The following TET2 variants were observed in gnomAD, a reference collection of about 807,000 sequenced individuals.
The protein encoded by TET2 is tet methylcytosine dioxygenase 2.
TET2 carries 299 observed loss-of-function variants against 142.9 expected under a neutral mutation model. That is an observed-to-expected ratio of 2.09 (90% CI 1.90 to 2.30). TET2 has a LOEUF of 2.30. Ranked by LOEUF, TET2 falls within the 30% of genes most tolerant of loss-of-function variation. TET2 has a pLI of 0.00. For missense variants in TET2, 2,418 were observed against 2,378.0 expected (o/e 1.02, Z -0.35); for synonymous variants, 819 against 849.0 (o/e 0.96, Z 0.61).
chr4:105,198,180 T>C (rs1486374756), intron 2 of TET2, among the ~76,000 whole-genome samples: 1 of 151,952 alleles, frequency 6.6e-6, no homozygotes, highest in African/African-American at 2.4e-5. Flanking sequence ...CTACTAAAAA[T>C]GCAAAATTAG....
intron 6 of TET2, among the ~76,000 whole-genome samples, chr4:105,244,371 A>G (rs974233897): frequency 3.3e-5 from 5 of 152,184 alleles, no homozygotes; most frequent in African/African-American, 1.2e-4. Flanking sequence ...ATTATTTTCC[A>G]GGAATATAAG....
At chr4:105,178,991 G>C (rs750443836) in intron 1 of TET2, among the ~76,000 whole-genome samples, 31 of 152,060 alleles carry the variant, frequency 2.0e-4, no homozygotes, top group Non-Finnish European at 4.0e-4. Context: ...CAAAGTGGCA[G>C]GAAGGAGAAA....
At chr4:105,193,315 A>G (rs1173700304) in intron 2 of TET2, among the ~76,000 whole-genome samples, 7 of 152,190 alleles carry the variant, frequency 4.6e-5, no homozygotes, top group Admixed American at 4.6e-4. Flanking sequence ...GAAGCAGGAA[A>G]AAGGCGACCT....
At chr4:105,157,955 G>C (rs560331855) in intron 1 of TET2, among the ~76,000 whole-genome samples, 1 of 152,248 alleles carries the variant, frequency 6.6e-6, no homozygotes, top group East Asian at 1.9e-4. Flanking sequence ...GGGATTACAG[G>C]CATGAGCCAT....
At chr4:105,199,615 T>A (rs949863199) in intron 2 of TET2, among the ~76,000 whole-genome samples, 1 of 152,200 alleles carries the variant, frequency 6.6e-6, no homozygotes, top group Non-Finnish European at 1.5e-5. Context: ...CATGGGAGTT[T>A]GTTGTACAGG....
chr4:105,218,807 A>C (rs1440206269), intron 2 of TET2, among the ~76,000 whole-genome samples: 1 of 152,028 alleles, frequency 6.6e-6, no homozygotes, highest in African/African-American at 2.4e-5. Context: ...TCTGGATCCC[A>C]TAAATTATGT....
chr4:105,187,299 G>A (rs1053386780), intron 1 of TET2, among the ~76,000 whole-genome samples: 1 of 152,148 alleles, frequency 6.6e-6, no homozygotes, highest in South Asian at 2.1e-4. Flanking sequence ...AAACTCCTCT[G>A]CCTTCCTCAG....
At chr4:105,253,740 A>G (rs1729985507) in intron 6 of TET2, among the ~76,000 whole-genome samples, 1 of 152,168 alleles carries the variant, frequency 6.6e-6, no homozygotes, top group Admixed American at 6.5e-5. Context: ...GAAATCTTCA[A>G]TTTTATGTTA....
intron 1 of TET2, among the ~76,000 whole-genome samples, chr4:105,174,369 T>C (rs1724655214): frequency 6.6e-6 from 1 of 152,170 alleles, no homozygotes; most frequent in African/African-American, 2.4e-5. Context: ...GGATGACATA[T>C]GGTTAAAAAG....
At position 105,229,332 on chromosome 4, in the gene TET2, G is replaced by A. The variant is rs527452827; in HGVS notation, c.-46-4565G>A. Among the ~76,000 whole-genome samples the A allele has an allele frequency of 3.3e-5, 5 of 152,202 alleles. No individual in the cohort carries two copies. In the East Asian group the frequency reaches 5.8e-4, roughly 18 times the overall value. ...ATGAGTTATAACTTTATTTTTTTGA[G>A]ACAGAGTCTCGCTCTGTTGCCAGGC... On this transcript the variant is annotated intron_variant, in intron 2 of 10. Transcript: ENST00000380013.
intron 1 of TET2, among the ~76,000 whole-genome samples, chr4:105,176,006 A>G (rs1724771033): frequency 6.6e-6 from 1 of 152,168 alleles, no homozygotes; most frequent in Admixed American, 6.5e-5. Flanking sequence ...GTCTTAAAGA[A>G]ACAAAAATTT....
chr4:105,174,609 T>C (rs1724671888), intron 1 of TET2, among the ~76,000 whole-genome samples: 1 of 152,122 alleles, frequency 6.6e-6, no homozygotes, highest in South Asian at 2.1e-4. Context: ...TAGGAAAACA[T>C]GAACTGTAAT....
At chr4:105,200,121 T>C (rs1726359297) in intron 2 of TET2, among the ~76,000 whole-genome samples, 3 of 152,198 alleles carry the variant, frequency 2.0e-5, no homozygotes, top group African/African-American at 4.8e-5. Context: ...ATCGCTACAC[T>C]GTCTTCCACA....
At position 105,233,902 on chromosome 4, in the gene TET2, A is replaced by C. The variant is rs142128221; in HGVS notation, c.-41A>C. Reference sequence around the variant, plus strand: ...TTTGTTTCCATGCTCTTTAGAATTCAACTAGAGGGCAGCCTTGTGGATGGC... The same window carrying C: ...TTTGTTTCCATGCTCTTTAGAATTCCACTAGAGGGCAGCCTTGTGGATGGC... On this transcript the variant is annotated 5_prime_UTR_variant, in exon 3 of 11. Coordinates refer to ENST00000380013, the MANE Select transcript of TET2 (RefSeq NM_001127208.3). 3.7e-5 allele frequency: 57 copies of C among 1,552,208 alleles called. No individual in the cohort carries two copies. In the African/African-American group the frequency reaches 5.1e-4, roughly 14 times the overall value.
At chr4:105,185,946 G>A (rs1725412634) in intron 1 of TET2, among the ~76,000 whole-genome samples, 1 of 151,930 alleles carries the variant, frequency 6.6e-6, no homozygotes, top group Non-Finnish European at 1.5e-5. Context: ...TGTAGATATG[G>A]CTGGGCGTGG....
At chr4:105,251,875 T>C (rs1729885260) in intron 6 of TET2, among the ~76,000 whole-genome samples, 2 of 152,310 alleles carry the variant, frequency 1.3e-5, no homozygotes, top group East Asian at 1.9e-4. Context: ...ATTTTTAAAA[T>C]AGATTATTTT....
chr4:105,253,967 A>C (rs1729998157), intron 6 of TET2, among the ~76,000 whole-genome samples: 1 of 152,280 alleles, frequency 6.6e-6, no homozygotes, highest in Admixed American at 6.5e-5. Context: ...GAAATGGATT[A>C]CATTAATTGA....
chr4:105,183,136 T>G (rs1725218993), intron 1 of TET2, among the ~76,000 whole-genome samples: 1 of 152,156 alleles, frequency 6.6e-6, no homozygotes, highest in African/African-American at 2.4e-5. Flanking sequence ...ATCCTCAATC[T>G]GTGGCTGTTT....
chr4:105,153,886 G>A lies in TET2; in HGVS notation c.-193+6907G>A, dbSNP rs142882687. On this transcript the variant is annotated intron_variant, in intron 1 of 10. Coordinates refer to ENST00000380013, the MANE Select transcript of TET2 (RefSeq NM_001127208.3). The stretch of plus-strand genomic sequence containing the variant: ...TGTTCATTACAGCATTATTAATAAT[G>A]GTAAAAAATGGAAACAACCCAGATG... Among the ~76,000 whole-genome samples, 1,154 of 152,202 alleles carry A rather than the reference G, an allele frequency of 7.6e-3. 6 individuals are homozygous for A. Among genetic ancestry groups the A allele is most frequent in the Non-Finnish European group, 0.012 (822 of 68,004 alleles).
Sources: gnomAD v4.1 joint callset for allele counts (sites outside exome capture counted in the v4.1 genomes callset) on GRCh38, gnomAD v4.1.1 for gene constraint, MANE v1.5 for transcripts, NCBI Gene and HGNC (gene_info 2026-07-23, HGNC 2026-07-21) for gene names.